Variants in OMA1 observed in about 807,000 individuals in gnomAD.
OMA1 encodes the protein OMA1 zinc metallopeptidase.
A neutral mutation model predicts 30.9 loss-of-function variants in OMA1; 38 were observed. That is an observed-to-expected ratio of 1.23 (90% CI 0.95 to 1.61). The LOEUF (loss-of-function observed/expected upper bound fraction) is 1.61, where lower values mean the gene tolerates loss of function less well. Among genes scored for constraint, OMA1 ranks in the 40% most tolerant of loss-of-function variants. OMA1 has a pLI of 0.00. For missense variants in OMA1, 461 were observed against 349.2 expected (o/e 1.32, Z -2.55); for synonymous variants, 173 against 121.9 (o/e 1.42, Z -2.76).
At chr1:58,501,231 CA>C (rs1334171916) in intron 8 of OMA1, among the ~76,000 whole-genome samples, 1 of 152,036 alleles carries the variant, frequency 6.6e-6, no homozygotes, top group Admixed American at 6.6e-5. Context: ...TCTTGAAATT[CA>C]CATTTAAAAA....
In OMA1 at chr1:58,502,845, A is replaced by C. The variant is rs115633055; in HGVS notation, c.1365+3215T>G. 8.4e-3 allele frequency among the ~76,000 whole-genome samples: 1,286 copies of C among 152,298 alleles called. 15 individuals are homozygous for C. The highest frequency in any genetic ancestry group is 0.029 in the African/African-American group (1,203 of 41,558). ...TTTTATTACTTTCAAATTGAATTTAATCACTTGGGGTGGGGAATATAAGAA... is the reference window on the plus strand; with the variant it reads ...TTTTATTACTTTCAAATTGAATTTACTCACTTGGGGTGGGGAATATAAGAA... On this transcript the variant is annotated intron_variant, in intron 8 of 8. Transcript: ENST00000371226.
intron 7 of OMA1, among the ~76,000 whole-genome samples, chr1:58,512,867 T>C (rs1011286873): frequency 6.6e-6 from 1 of 152,166 alleles, no homozygotes; most frequent in Non-Finnish European, 1.5e-5. Flanking sequence ...TGTAAAATTA[T>C]AAATTTAAGA....
At chr1:58,531,645 C>T (rs1465018123) in intron 5 of OMA1, among the ~76,000 whole-genome samples, 1 of 151,978 alleles carries the variant, frequency 6.6e-6, no homozygotes, top group Non-Finnish European at 1.5e-5. Context: ...CATACTTTAC[C>T]TCCTTATATT....
intron 7 of OMA1, among the ~76,000 whole-genome samples, chr1:58,519,407 C>T (rs1457378134): frequency 6.6e-6 from 1 of 151,996 alleles, no homozygotes; most frequent in Non-Finnish European, 1.5e-5. Context: ...GAGGAAAGGC[C>T]AATATATATT....
intron 7 of OMA1, among the ~76,000 whole-genome samples, chr1:58,524,577 T>C (rs1053496510): frequency 3.3e-5 from 5 of 152,264 alleles, no homozygotes; most frequent in African/African-American, 1.2e-4. Context: ...TCATGCTTGC[T>C]GGTAGAGTTG....
intron 7 of OMA1, among the ~76,000 whole-genome samples, chr1:58,516,765 G>A (rs1253609739): frequency 6.6e-6 from 1 of 152,092 alleles, no homozygotes; most frequent in Non-Finnish European, 1.5e-5. Context: ...CTCAGAAATA[G>A]TTCCCAGTAA....
chr1:58,542,718 A>G (rs975172159), intron 1 of OMA1, among the ~76,000 whole-genome samples: 4 of 152,232 alleles, frequency 2.6e-5, no homozygotes, highest in African/African-American at 4.8e-5. Flanking sequence ...ACTGTAGTAG[A>G]TAAGCTTCAG....
intron 7 of OMA1, among the ~76,000 whole-genome samples, chr1:58,524,852 A>G (rs893500101): frequency 1.1e-4 from 16 of 152,232 alleles, no homozygotes; most frequent in Admixed American, 7.2e-4. Flanking sequence ...AAGAACTGCA[A>G]GAGACCATTT....
At chr1:58,530,409 T>C (rs1646416642) in intron 6 of OMA1, among the ~76,000 whole-genome samples, 192 bp downstream of exon 6, 1 of 152,230 alleles carries the variant, frequency 6.6e-6, no homozygotes, top group African/African-American at 2.4e-5. Context: ...ATTTGAGAGA[T>C]GTAGTATTCC....
chr1:58,544,003 T>A (rs549992509), intron 1 of OMA1, among the ~76,000 whole-genome samples: 18 of 152,326 alleles, frequency 1.2e-4, no homozygotes, highest in African/African-American at 3.8e-4. Context: ...AGTACAGGTT[T>A]GTAGGGTCCA....
intron 7 of OMA1, among the ~76,000 whole-genome samples, chr1:58,515,454 T>TC (rs1646144797): frequency 6.6e-6 from 1 of 152,148 alleles, no homozygotes; most frequent in Non-Finnish European, 1.5e-5. Flanking sequence ...GTTACTTTTT[T>TC]CCCTCTATCT....
chr1:58,516,475 A>G (rs1646159285), intron 7 of OMA1, among the ~76,000 whole-genome samples: 1 of 152,180 alleles, frequency 6.6e-6, no homozygotes, highest in Non-Finnish European at 1.5e-5. Flanking sequence ...CTTAATTTAC[A>G]TGTTGGTCTT....
At chr1:58,496,210 A>G (rs923804067) in intron 8 of OMA1, among the ~76,000 whole-genome samples, 1 of 149,384 alleles carries the variant, frequency 6.7e-6, no homozygotes, top group Admixed American at 6.7e-5. Context: ...TGGTTGTGCT[A>G]TGTTCCTCTA....
chr1:58,495,352 T>C (rs1178013421), intron 8 of OMA1, among the ~76,000 whole-genome samples: 1 of 152,118 alleles, frequency 6.6e-6, no homozygotes, highest in Non-Finnish European at 1.5e-5. Context: ...CACACCAACA[T>C]GGCACATGTA....
At chr1:58,546,277 C>A (rs1646703033) in intron 1 of OMA1, among the ~76,000 whole-genome samples, 1 of 152,226 alleles carries the variant, frequency 6.6e-6, no homozygotes. Flanking sequence ...GGGAGGCGGT[C>A]CCCTCTGGCA....
intron 7 of OMA1, among the ~76,000 whole-genome samples, chr1:58,513,053 G>A (rs1646105957): frequency 6.6e-6 from 1 of 152,146 alleles, no homozygotes; most frequent in South Asian, 2.1e-4. Flanking sequence ...GTTTGGCTGT[G>A]TCCCCACCCA....
chr1:58,492,612 C>A (rs1469268122), intron 8 of OMA1, among the ~76,000 whole-genome samples: 1 of 152,140 alleles, frequency 6.6e-6, no homozygotes, highest in African/African-American at 2.4e-5. Context: ...GAAATACAAA[C>A]TACCATCAGA....
chr1:58,514,553 T>A (rs1375122187), intron 7 of OMA1, among the ~76,000 whole-genome samples: 1 of 152,128 alleles, frequency 6.6e-6, no homozygotes, highest in Non-Finnish European at 1.5e-5. Context: ...AATCTGAATC[T>A]TTTTTTAGGA....
chr1:58,501,503 C>T (rs750156421), intron 8 of OMA1, among the ~76,000 whole-genome samples: 2 of 152,172 alleles, frequency 1.3e-5, no homozygotes, highest in Non-Finnish European at 2.9e-5. Flanking sequence ...ATAAGGCCCA[C>T]GCCCTCCCCC....
Sources: gnomAD v4.1 joint callset for allele counts (sites outside exome capture counted in the v4.1 genomes callset) on GRCh38, gnomAD v4.1.1 for gene constraint, MANE v1.5 for transcripts, NCBI Gene and HGNC (gene_info 2026-07-23, HGNC 2026-07-21) for gene names.